Variants in LAMB1 observed in about 807,000 individuals in gnomAD.
LAMB1 encodes laminin subunit beta-1.
Under a neutral mutation model 222.3 loss-of-function variants are expected in LAMB1, and 121 were observed. The observed-to-expected ratio is 0.54, with a 90% confidence interval of 0.47 to 0.63. The LOEUF (loss-of-function observed/expected upper bound fraction) is 0.63, where lower values mean the gene tolerates loss of function less well. Ranked by LOEUF, LAMB1 falls within the 30% of genes least tolerant of loss-of-function variation. The pLI is 0.00. For synonymous variants in LAMB1, 794 were observed against 807.2 expected, an observed-to-expected ratio of 0.98 and a Z score of 0.28; for missense variants, 2,172 against 2,240.8, an observed-to-expected ratio of 0.97 and a Z score of 0.62.
intron 29 of LAMB1, among the ~76,000 whole-genome samples, chr7:107,930,410 T>C (rs1232357892): frequency 1.3e-5 from 2 of 152,236 alleles, no homozygotes; most frequent in African/African-American, 2.4e-5. Flanking sequence ...TAAGATATCC[T>C]TAGCAAATAC....
At chr7:107,928,050 C>T (rs1449961273) in intron 31 of LAMB1, among the ~76,000 whole-genome samples, 2 of 151,918 alleles carry the variant, frequency 1.3e-5, no homozygotes, top group South Asian at 2.1e-4. Flanking sequence ...TTTAAAAACT[C>T]GTAAAATTGG....
intron 15 of LAMB1, 60 bp from the exon 16 acceptor site, chr7:107,961,736 G>A (rs1197811261): frequency 6.4e-7 from 1 of 1,555,268 alleles, no homozygotes; most frequent in Non-Finnish European, 8.8e-7. Flanking sequence ...TTTATAAAAA[G>A]ACCTCTCTGA....
At chr7:107,964,230 A>C (rs2033577440) in intron 14 of LAMB1, among the ~76,000 whole-genome samples, 1 of 152,238 alleles carries the variant, frequency 6.6e-6, no homozygotes, top group South Asian at 2.1e-4. Context: ...AATAGATGAA[A>C]AAATATCCTT....
chr7:107,969,321 T>C (rs1460010831), intron 13 of LAMB1, among the ~76,000 whole-genome samples: 2 of 151,086 alleles, frequency 1.3e-5, no homozygotes, highest in African/African-American at 4.9e-5. Context: ...AATATAGAAA[T>C]TGGCAACATT....
chr7:107,998,305 C>A, intron 4 of LAMB1, 52 bp downstream of exon 4: 3 of 1,589,314 alleles, frequency 1.9e-6, no homozygotes, highest in Non-Finnish European at 2.6e-6. Flanking sequence ...GTAAGCTCCA[C>A]CCAAGTTATC....
chr7:107,966,623 T>G (rs1174045556), intron 13 of LAMB1, among the ~76,000 whole-genome samples: 1 of 152,204 alleles, frequency 6.6e-6, no homozygotes, highest in Admixed American at 6.5e-5. Flanking sequence ...TTTCAGAAAT[T>G]CAGGCATCAG....
At chr7:107,976,024 G>A (rs576008984) in intron 9 of LAMB1, 147 bp from the exon 10 acceptor site, 42 of 633,284 alleles carry the variant, frequency 6.6e-5, no homozygotes, top group African/African-American at 6.0e-4. Context: ...GAAAAAGGAC[G>A]CATCCACCGA....
At chr7:107,994,733 T>G (rs1214066485) in intron 5 of LAMB1, among the ~76,000 whole-genome samples, 154 bp downstream of exon 5, 1 of 152,266 alleles carries the variant, frequency 6.6e-6, no homozygotes, top group East Asian at 1.9e-4. Context: ...CAGTTATTCA[T>G]GCTCGTTTTA....
chr7:107,938,504 A>G (rs555361782), intron 25 of LAMB1, among the ~76,000 whole-genome samples: 3 of 152,164 alleles, frequency 2.0e-5, no homozygotes, highest in Non-Finnish European at 2.9e-5. Flanking sequence ...TAGTATGTTG[A>G]AAAAAAAGAG....
chr7:107,980,430 C>T (rs2033949365), intron 8 of LAMB1, among the ~76,000 whole-genome samples, 179 bp downstream of exon 8: 2 of 152,118 alleles, frequency 1.3e-5, no homozygotes, highest in Admixed American at 6.5e-5. Flanking sequence ...TCTCCGTGTC[C>T]AAGAAACTCT....
chr7:107,965,257 C>T (rs528629336), intron 13 of LAMB1, among the ~76,000 whole-genome samples: 14 of 152,294 alleles, frequency 9.2e-5, no homozygotes, highest in African/African-American at 3.1e-4. Flanking sequence ...GTCTCTCTTC[C>T]CCCTTTCCAT....
chr7:107,982,156 A>G (rs541279146), intron 7 of LAMB1, among the ~76,000 whole-genome samples: 9 of 152,306 alleles, frequency 5.9e-5, no homozygotes, highest in African/African-American at 2.2e-4. Flanking sequence ...TTCTATAGTA[A>G]CTAGACAAAC....
chr7:107,990,907 G>C (rs2034169601), intron 5 of LAMB1, among the ~76,000 whole-genome samples: 1 of 152,160 alleles, frequency 6.6e-6, no homozygotes, highest in African/African-American at 2.4e-5. Context: ...GCCAGTTTTT[G>C]CATTAGCAGT....
chr7:107,955,196 G>C (rs1346648285), intron 21 of LAMB1, among the ~76,000 whole-genome samples: 1 of 152,148 alleles, frequency 6.6e-6, no homozygotes, highest in Non-Finnish European at 1.5e-5. Context: ...TCTTTCTAAT[G>C]TTTAATAACA....
intron 13 of LAMB1, 63 bp from the exon 14 acceptor site, chr7:107,964,750 C>T (rs563870053): frequency 6.3e-7 from 1 of 1,579,584 alleles, no homozygotes; most frequent in African/African-American, 1.3e-5. Context: ...CCGCCAGAAG[C>T]AGCTCTACAG....
At chr7:107,961,705 T>C (rs201433776) in intron 15 of LAMB1, 29 bp from the exon 16 acceptor site, 93 of 1,601,868 alleles carry the variant, frequency 5.8e-5, no homozygotes, top group Non-Finnish European at 7.5e-5. Context: ...AATGAAAAGA[T>C]AGTTAGCCCA....
chr7:107,964,506 C>G, intron 14 of LAMB1, 46 bp downstream of exon 14: 2 of 1,612,000 alleles, frequency 1.2e-6, no homozygotes, highest in East Asian at 4.5e-5. Context: ...TTCCACTACA[C>G]CCCAAAACAC....
intron 6 of LAMB1, 43 bp from the exon 7 acceptor site, chr7:107,986,128 A>C: frequency 6.2e-7 from 1 of 1,610,788 alleles, no homozygotes; most frequent in South Asian, 1.1e-5. Flanking sequence ...TGCAATAATC[A>C]AAAAGTAGAT....
intron 4 of LAMB1, among the ~76,000 whole-genome samples, chr7:107,997,873 T>A (rs961898567): frequency 1.3e-5 from 2 of 152,040 alleles, no homozygotes; most frequent in Middle Eastern, 6.8e-3. Flanking sequence ...GTTGACAGAG[T>A]CTTTGAAAAA....
Sources: gnomAD v4.1 joint callset for allele counts (sites outside exome capture counted in the v4.1 genomes callset) on GRCh38, gnomAD v4.1.1 for gene constraint, MANE v1.5 for transcripts, NCBI Gene and HGNC (gene_info 2026-07-23, HGNC 2026-07-21) for gene names.